The following LRRCC1 variants were observed in gnomAD, a reference collection of about 807,000 sequenced individuals.
The protein encoded by LRRCC1 is leucine-rich repeat and coiled-coil domain-containing protein 1.
LRRCC1 carries 115 observed loss-of-function variants against 126.0 expected under a neutral mutation model. The observed-to-expected ratio is 0.91, with a 90% CI of 0.78 to 1.07. The LOEUF is 1.07. Among genes scored for constraint, LRRCC1 ranks in the 50% least tolerant of loss-of-function variants. The pLI is 0.00. For missense variants in LRRCC1, 1,172 were observed against 1,175.7 expected (o/e 1.00, Z 0.05); for synonymous variants, 400 against 393.4 (o/e 1.02, Z -0.20).
At chr8:85,143,321 CA>C (rs752348400) in intron 18 of LRRCC1, among the ~76,000 whole-genome samples, 227 of 136,404 alleles carry the variant, frequency 1.7e-3, no homozygotes, top group Middle Eastern at 4.1e-3. Flanking sequence ...AACTCTGTCT[CA>C]AAAAAAAAAA....
Position 85,141,391 on chromosome 8 carries a change from G to A in LRRCC1, c.2850G>A (p.Met950Ile). The A allele has an allele frequency of 1.2e-6, 2 of 1,610,684 alleles. No homozygotes were observed. The highest frequency in any genetic ancestry group is 1.7e-6 in the Non-Finnish European group (2 of 1,178,108). ...TTCTTGTTTTTTTAAGGAATGCAAT[G>A]GAAAAACTTCATAGTATGGATGATG... The part of the protein sequence containing the change: ...DKSIELQKNA[M>I]EKLHSMDDAF... The change falls in exon 18 of 19, where the codon ATG (methionine) becomes ATA (isoleucine). Residue 950 changes from methionine (M) to isoleucine (I), a missense_variant. Transcript: ENST00000360375.
intron 14 of LRRCC1, 108 bp downstream of exon 14, chr8:85,136,071 A>AG: frequency 1.1e-6 from 1 of 925,350 alleles, no homozygotes; most frequent in Admixed American, 3.7e-5. Context: ...CCAAGAAAAA[A>AG]GGTGACCCTT....
intron 11 of LRRCC1, 86 bp downstream of exon 11, chr8:85,130,144 T>A: frequency 8.9e-7 from 1 of 1,118,216 alleles, no homozygotes; most frequent in Non-Finnish European, 1.2e-6. Context: ...TATTTTTTTT[T>A]TTTTTTTTTG....
chr8:85,116,514 A>G (rs1809138076), intron 6 of LRRCC1, among the ~76,000 whole-genome samples: 1 of 152,076 alleles, frequency 6.6e-6, no homozygotes, highest in African/African-American at 2.4e-5. Flanking sequence ...CTGGGACTAC[A>G]GGCACATGCC....
At chr8:85,136,575 A>G (rs564224295) in intron 14 of LRRCC1, among the ~76,000 whole-genome samples, 56 of 152,272 alleles carry the variant, frequency 3.7e-4, no homozygotes, top group Admixed American at 3.5e-3. Context: ...GTACCCGGCC[A>G]AAAGTAATTC....
chr8:85,143,670 G>T (rs1270057303), intron 18 of LRRCC1, among the ~76,000 whole-genome samples: 1 of 151,984 alleles, frequency 6.6e-6, no homozygotes, highest in African/African-American at 2.4e-5. Flanking sequence ...GTTTAACAAG[G>T]GTACATCAGG....
At position 85,131,876 on chromosome 8, in the gene LRRCC1, A is replaced by T; in HGVS notation, c.1883A>T (p.Lys628Ile). 6.2e-7 allele frequency: 1 copy of T among 1,613,904 alleles called. No homozygotes were observed. Among genetic ancestry groups the T allele is most frequent in the Middle Eastern group, 1.7e-4 (1 of 6,054 alleles). ...CAAATGATAAAAGAATACCAAGAGAAAATTGACGTGTTAAGCCAGCAGTAT... is the reference window on the plus strand; with the variant it reads ...CAAATGATAAAAGAATACCAAGAGATAATTGACGTGTTAAGCCAGCAGTAT... ...HEQMIKEYQE[K>I]IDVLSQQYMD... Residue 628 changes from lysine (K) to isoleucine (I), a missense_variant, in exon 12 of 19, where the codon AAA becomes ATA. Lys to Ile is a moderately radical substitution (Grantham distance 102, BLOSUM62 -3). Transcript: ENST00000360375.
At chr8:85,144,428 ATGTGTG>A (rs201121031) in intron 18 of LRRCC1, among the ~76,000 whole-genome samples, 11 of 88,964 alleles carry the variant, frequency 1.2e-4, no homozygotes, top group African/African-American at 4.3e-4. Context: ...GTGTGTGTGT[ATGTGTG>A]TGTGTGTGTG....
chr8:85,130,309 T>C (rs1810369880), intron 11 of LRRCC1, among the ~76,000 whole-genome samples: 1 of 151,568 alleles, frequency 6.6e-6, no homozygotes, highest in Non-Finnish European at 1.5e-5. Flanking sequence ...TAATTTTTTT[T>C]TTTTTTGTAT....
intron 6 of LRRCC1, among the ~76,000 whole-genome samples, chr8:85,117,080 C>A (rs1809180041): frequency 1.3e-5 from 2 of 152,140 alleles, no homozygotes; most frequent in South Asian, 2.1e-4. Context: ...AGTTTAATGT[C>A]TTTAATTTGA....
chr8:85,135,951 C>A lies in LRRCC1; in HGVS notation c.2317C>A (p.Leu773Met). ...AGAAAGAAAAGTATGGGGACATGAG[C>A]TGGCACAACAAGGTAAAATTCTCAG... The part of the protein sequence containing the change: ...RTERKVWGHE[L>M]AQQGSSLAQN... Residue 773 changes from leucine (L) to methionine (M), a missense_variant, in exon 14 of 19, where the codon CTG becomes ATG. Leu to Met is a conservative substitution (Grantham distance 15). Transcript: ENST00000360375. 1 of 1,567,796 alleles carries A rather than the reference C, an allele frequency of 6.4e-7. No individual in the cohort carries two copies. The highest frequency in any genetic ancestry group is 2.3e-5 in the East Asian group (1 of 42,948).
intron 14 of LRRCC1, 58 bp from the exon 15 acceptor site, chr8:85,137,406 T>C: frequency 8.9e-7 from 1 of 1,120,530 alleles, no homozygotes; most frequent in African/African-American, 1.6e-5. Flanking sequence ...TAGAGTTTAA[T>C]AAGATACAAA....
chr8:85,136,910 C>T (rs1470448924), intron 14 of LRRCC1, among the ~76,000 whole-genome samples: 2 of 151,656 alleles, frequency 1.3e-5, no homozygotes, highest in East Asian at 3.9e-4. Context: ...ACTACAACTC[C>T]ACCTCCCGGG....
chr8:85,142,540 T>C (rs1811324205), intron 18 of LRRCC1, among the ~76,000 whole-genome samples: 1 of 152,028 alleles, frequency 6.6e-6, no homozygotes, highest in Non-Finnish European at 1.5e-5. Context: ...TAATGCTCCA[T>C]ATAGAAATTA....
Position 85,110,161 on chromosome 8 carries a change from C to A in LRRCC1, c.357C>A (p.Asn119Lys). Residue 119 changes from asparagine to lysine, a missense_variant, in exon 3 of 19, where the codon AAC becomes AAA. Physicochemically the swap from Asn to Lys is moderately conservative, Grantham distance 94 (BLOSUM62 0). Coordinates refer to ENST00000360375, the MANE Select transcript of LRRCC1 (RefSeq NM_033402.5). ...INLTRLNVSY[N>K]HIDDLSGLIP... ...TGACTAGACTAAATGTATCTTATAA[C>A]CACATAGATGATCTTAGTGGTAAGT... 1.5e-6 allele frequency: 2 copies of A among 1,321,226 alleles called. No homozygotes were observed. The highest frequency in any genetic ancestry group is 2.5e-5 in the East Asian group (1 of 40,374). 81.8% of individuals were successfully genotyped at this position (1,321,226 alleles called of 1,614,324 possible).
intron 17 of LRRCC1, among the ~76,000 whole-genome samples, chr8:85,138,684 T>C (rs1811045176): frequency 2.0e-5 from 3 of 152,216 alleles, no homozygotes; most frequent in Admixed American, 2.0e-4. Flanking sequence ...TATATATGTG[T>C]GTATTTATGA....
chr8:85,125,548 C>A (rs1013736417), intron 8 of LRRCC1, among the ~76,000 whole-genome samples: 7 of 148,156 alleles, frequency 4.7e-5, no homozygotes, highest in Admixed American at 2.0e-4. Context: ...TGGCGGGCGC[C>A]TGTAGTCCCA....
intron 14 of LRRCC1, among the ~76,000 whole-genome samples, chr8:85,136,249 C>T (rs1810857885): frequency 6.6e-6 from 1 of 151,962 alleles, no homozygotes. Flanking sequence ...TTTTACAAAT[C>T]AGCATCTGAA....
At chr8:85,143,623 C>A (rs1811421960) in intron 18 of LRRCC1, among the ~76,000 whole-genome samples, 1 of 152,100 alleles carries the variant, frequency 6.6e-6, no homozygotes, top group Non-Finnish European at 1.5e-5. Context: ...TGGGTGACAA[C>A]AATATCCTAT....
Sources: gnomAD v4.1 joint callset for allele counts (sites outside exome capture counted in the v4.1 genomes callset) on GRCh38, gnomAD v4.1.1 for gene constraint, MANE v1.5 for transcripts, NCBI Gene and HGNC (gene_info 2026-07-23, HGNC 2026-07-21) for gene names.